SPDYE14: variants seen among roughly 807,000 people sequenced by gnomAD.
SPDYE14 encodes speedy/RINGO cell cycle regulator family member E14.
At chr7:75,254,231 A>AG in the SPDYE14 span, among the ~76,000 whole-genome samples, 1 of 49,610 alleles carries the variant, frequency 2.0e-5, no homozygotes, top group African/African-American at 5.1e-5. Context: ...CAAAAAAAAA[A>AG]AAGCAAACAG....
the SPDYE14 span, among the ~76,000 whole-genome samples, chr7:75,266,002 A>AG: frequency 5.4e-5 from 4 of 74,412 alleles, no homozygotes; most frequent in Non-Finnish European, 8.2e-5. Context: ...AAAAAAAAAG[A>AG]AAAAAAATTC....
the SPDYE14 span, among the ~76,000 whole-genome samples, chr7:75,253,933 AG>A: frequency 1.3e-5 from 1 of 74,206 alleles, no homozygotes; most frequent in African/African-American, 2.9e-5. Flanking sequence ...AAAAGCACAC[AG>A]CATGGCTGGG....
the SPDYE14 span, among the ~76,000 whole-genome samples, chr7:75,245,428 G>GAAAAAAA: frequency 4.4e-5 from 3 of 67,748 alleles, no homozygotes. Context: ...ATGTCTCAAA[G>GAAAAAAA]AAAAAAAAAA....
At chr7:75,271,688 G>T in the SPDYE14 span, among the ~76,000 whole-genome samples, 1 of 55,066 alleles carries the variant, frequency 1.8e-5, no homozygotes, top group African/African-American at 4.2e-5. Flanking sequence ...AAAATTAGCT[G>T]GGTGTGGTTG....
the SPDYE14 span, among the ~76,000 whole-genome samples, chr7:75,237,852 A>G: frequency 3.8e-5 from 4 of 105,040 alleles, no homozygotes; most frequent in African/African-American, 1.0e-4. Flanking sequence ...GGCCGGAGCT[A>G]CCGGCAGCCC....
chr7:75,273,752 C>CGAGG, the SPDYE14 span, among the ~76,000 whole-genome samples: 2 of 59,200 alleles, frequency 3.4e-5, 1 homozygote, highest in Non-Finnish European at 8.8e-5. Context: ...CCTCCAAATA[C>CGAGG]CAACACATTG....
chr7:75,260,989 G>T, the SPDYE14 span, among the ~76,000 whole-genome samples: 274 of 61,396 alleles, frequency 4.5e-3, 74 homozygotes, highest in African/African-American at 9.2e-3. Context: ...GCTAGATGTG[G>T]TGGTGCACAC....
At chr7:75,249,636 T>TCCTTCCTCCCTC in the SPDYE14 span, among the ~76,000 whole-genome samples, 1 of 34,932 alleles carries the variant, frequency 2.9e-5, no homozygotes, top group Non-Finnish European at 5.9e-5. Flanking sequence ...CTTCCTTCCT[T>TCCTTCCTCCCTC]CCTCCCTCCC....
the SPDYE14 span, among the ~76,000 whole-genome samples, chr7:75,249,847 T>C: frequency 8.1e-6 from 1 of 122,996 alleles, no homozygotes; most frequent in Non-Finnish European, 1.7e-5. Context: ...CTAATTTTTG[T>C]ATAGCGGAGA....
the SPDYE14 span, among the ~76,000 whole-genome samples, chr7:75,273,055 G>C: frequency 3.4e-5 from 2 of 58,852 alleles, 1 homozygote; most frequent in Non-Finnish European, 8.8e-5. Context: ...GTTATCATGA[G>C]CTCTGCTTGT....
At chr7:75,240,408 C>T in the SPDYE14 span, among the ~76,000 whole-genome samples, 1 of 51,614 alleles carries the variant, frequency 1.9e-5, no homozygotes, top group Non-Finnish European at 4.6e-5. Flanking sequence ...CCAGCCTGGC[C>T]AGCATGGTGA....
the SPDYE14 span, among the ~76,000 whole-genome samples, chr7:75,240,607 A>C: frequency 2.7e-4 from 19 of 70,900 alleles, 8 homozygotes; most frequent in East Asian, 3.5e-3. Context: ...AAAAAAAAAA[A>C]ACACAAAAAA....
the SPDYE14 span, among the ~76,000 whole-genome samples, chr7:75,278,416 T>C: frequency 7.6e-5 from 2 of 26,406 alleles, 1 homozygote; most frequent in Non-Finnish European, 2.2e-4. Context: ...ACCCCATCTC[T>C]ACAAAAATAC....
chr7:75,265,039 A>G, the SPDYE14 span, among the ~76,000 whole-genome samples: 6 of 47,874 alleles, frequency 1.3e-4, no homozygotes, highest in African/African-American at 3.5e-4. Context: ...TTTTTTTTTA[A>G]TTGTCTTCCC....
chr7:75,237,534 G>T, the SPDYE14 span: 2 of 22,454 alleles, frequency 8.9e-5, no homozygotes, highest in African/African-American at 1.9e-4. Context: ...GGCGCGGGGG[G>T]CGGCGGCGGC....
chr7:75,249,632 TCCTTCCTC>T, the SPDYE14 span, among the ~76,000 whole-genome samples: 13 of 51,966 alleles, frequency 2.5e-4, no homozygotes, highest in African/African-American at 6.4e-4. Flanking sequence ...CTTCCTTCCT[TCCTTCCTC>T]CCTCCCTCCC....
At chr7:75,266,124 C>T in the SPDYE14 span, among the ~76,000 whole-genome samples, 2 of 38,278 alleles carry the variant, frequency 5.2e-5, 1 homozygote, top group African/African-American at 1.7e-4. Flanking sequence ...TTGTATGACT[C>T]TTTAGTTCTT....
At chr7:75,249,343 C>A in the SPDYE14 span, among the ~76,000 whole-genome samples, 1 of 57,784 alleles carries the variant, frequency 1.7e-5, no homozygotes, top group Non-Finnish European at 4.2e-5. Context: ...CACCTCTTTC[C>A]TTTATAAATC....
chr7:75,264,617 CTTTG>C, the SPDYE14 span, among the ~76,000 whole-genome samples: 2 of 43,546 alleles, frequency 4.6e-5, 1 homozygote. Flanking sequence ...TGAACATTTA[CTTTG>C]TTTCTGTTTT....
Sources: gnomAD v4.1 joint callset for allele counts (sites outside exome capture counted in the v4.1 genomes callset) on GRCh38, gnomAD v4.1.1 for gene constraint, MANE v1.5 for transcripts, NCBI Gene and HGNC (gene_info 2026-07-23, HGNC 2026-07-21) for gene names.